Variants in FRMD5 observed in about 807,000 individuals in gnomAD.
FRMD5 encodes the protein FERM domain-containing protein 5.
Under a neutral mutation model 69.0 loss-of-function variants are expected in FRMD5, and 20 were observed. The ratio of observed to expected loss-of-function variants is 0.29; its 90% confidence interval spans 0.20 to 0.42. The LOEUF (loss-of-function observed/expected upper bound fraction) is 0.42. Among genes scored for constraint, FRMD5 ranks in the 10% least tolerant of loss-of-function variants. FRMD5 has a pLI of 1.00. For synonymous variants in FRMD5, 271 were observed against 260.1 expected, an observed-to-expected ratio of 1.04 and a Z score of -0.40; for missense variants, 595 against 708.6, an observed-to-expected ratio of 0.84 and a Z score of 1.82.
chr15:44,113,181 A>G lies in FRMD5; in HGVS notation c.102+81772T>C, dbSNP rs1415100605. 2.6e-5 allele frequency among the ~76,000 whole-genome samples: 4 copies of G among 152,210 alleles called. No homozygotes were observed. The East Asian group carries it at 7.7e-4, about 29-fold the overall frequency. Reference sequence around the variant, plus strand: ...CCTCTTGACAAGCTCTATGCCACTTATACCAAATAGGGTGACCCTGCTTTC... The same window carrying G: ...CCTCTTGACAAGCTCTATGCCACTTGTACCAAATAGGGTGACCCTGCTTTC... On this transcript the variant is annotated intron_variant, in intron 1 of 13. Coordinates refer to ENST00000417257, the MANE Select transcript of FRMD5 (RefSeq NM_032892.5).
upstream of FRMD5, among the ~76,000 whole-genome samples, chr15:44,196,221 G>A (rs1189235679): frequency 2.0e-5 from 3 of 152,166 alleles, no homozygotes; most frequent in East Asian, 5.8e-4. Flanking sequence ...CAGCACTTTG[G>A]GAGGCCGAGG....
intron 1 of FRMD5, among the ~76,000 whole-genome samples, chr15:43,963,973 G>C (rs2090249815): frequency 6.6e-6 from 1 of 151,902 alleles, no homozygotes; most frequent in Non-Finnish European, 1.5e-5. Context: ...GAGTTAATGG[G>C]TGCAGCACAC....
intron 1 of FRMD5, among the ~76,000 whole-genome samples, chr15:44,083,358 A>T (rs768111018): frequency 6.6e-6 from 1 of 152,008 alleles, no homozygotes; most frequent in Non-Finnish European, 1.5e-5. Context: ...AAGGATCAAG[A>T]TTAGATTTCA....
intron 1 of FRMD5, among the ~76,000 whole-genome samples, chr15:43,950,833 T>C (rs574754205): frequency 2.6e-5 from 4 of 152,326 alleles, no homozygotes; most frequent in African/African-American, 9.6e-5. Flanking sequence ...AACAGTTGAA[T>C]GCTTCCCCTG....
chr15:43,964,498 AAC>A (rs1361277882), intron 1 of FRMD5, among the ~76,000 whole-genome samples: 10 of 139,310 alleles, frequency 7.2e-5, no homozygotes, highest in African/African-American at 3.0e-4. Context: ...CAAACAAACA[AAC>A]AAAAAAAAAA....
chr15:44,063,548 G>C (rs1260605659), intron 1 of FRMD5: 2 of 509,184 alleles, frequency 3.9e-6, no homozygotes, highest in Non-Finnish European at 7.7e-6. Flanking sequence ...GAATTTAGTT[G>C]TACTGGTCAC....
intron 1 of FRMD5, among the ~76,000 whole-genome samples, chr15:43,956,852 T>A (rs1339653708): frequency 1.3e-5 from 2 of 152,240 alleles, no homozygotes; most frequent in Admixed American, 6.5e-5. Flanking sequence ...GTTAGACAAC[T>A]TAATGATTGG....
At chr15:43,946,076 A>G (rs78910343) in intron 1 of FRMD5, among the ~76,000 whole-genome samples, 9 of 151,450 alleles carry the variant, frequency 5.9e-5, no homozygotes, top group African/African-American at 1.9e-4. Context: ...AAAATTCCCC[A>G]AAGTCTCACT....
At chr15:44,194,676 GGACGGGGCGCCCTCA>G in intron 1 of FRMD5, 1 of 492,174 alleles carries the variant, frequency 2.0e-6, no homozygotes, top group South Asian at 2.2e-5. Flanking sequence ...CGAGGAACCA[GGACGGGGCGCCCTCA>G]CCCAGGGAGA....
intron 4 of FRMD5, among the ~76,000 whole-genome samples, chr15:43,915,130 T>A (rs1207534422): frequency 6.6e-6 from 1 of 152,220 alleles, no homozygotes; most frequent in East Asian, 1.9e-4. Context: ...ACCTGGGATT[T>A]GAAGCCAGCT....
chr15:43,874,401 G>T lies in FRMD5; in HGVS notation c.1197C>A (p.Asp399Glu). The change falls in exon 14 of 14, where the codon GAC becomes GAA. Residue 399 changes from aspartate to glutamate, a missense_variant. Coordinates refer to ENST00000417257, the MANE Select transcript of FRMD5 (RefSeq NM_032892.5). ...TGCTTCTCACGTGAGGCAGGAAGGT[G>T]TCCCCATGGGAAGTGGAACGCACTG... ...STPVRSTSHG[D>E]TFLPHVRSSR... is the part of the protein sequence containing the mutation. The T allele has an allele frequency of 6.2e-7, 1 of 1,614,234 alleles. No homozygotes were observed. The highest frequency in any genetic ancestry group is 1.1e-5 in the South Asian group (1 of 91,090).
rs1441554717 is a variant in FRMD5, at chr15:43,872,008, T to A, written c.*1877A>T. The stretch of plus-strand genomic sequence containing the variant: ...GCGTATTATGGCCTGTAGGCTAAAT[T>A]CAGCTCACTGTTTTCATAAAGTTTT... On this transcript the variant is annotated 3_prime_UTR_variant, in exon 14 of 14. Transcript: ENST00000417257. 2.0e-5 allele frequency: 3 copies of A among 152,240 alleles called. No homozygotes were observed. Among genetic ancestry groups the A allele is most frequent in the Non-Finnish European group, 4.4e-5 (3 of 68,046 alleles). The allele number at this position is 152,240 out of a possible 1,614,324, so 9.4% of individuals were successfully genotyped here.
intron 1 of FRMD5, among the ~76,000 whole-genome samples, chr15:44,008,034 T>C (rs2140199902): frequency 6.6e-6 from 1 of 151,742 alleles, no homozygotes; most frequent in South Asian, 2.1e-4. Flanking sequence ...CTTAACATCC[T>C]GGGCTCTAGT....
intron 1 of FRMD5, among the ~76,000 whole-genome samples, chr15:43,924,574 T>G (rs998042609): frequency 6.6e-6 from 1 of 152,174 alleles, no homozygotes; most frequent in Non-Finnish European, 1.5e-5. Context: ...CCAGTTCCCA[T>G]CTCAAATGCA....
chr15:43,933,962 T>C (rs572825212), intron 1 of FRMD5, among the ~76,000 whole-genome samples: 1 of 152,334 alleles, frequency 6.6e-6, no homozygotes, highest in Admixed American at 6.5e-5. Flanking sequence ...TTCCAGAACA[T>C]GTCCTATCCT....
In FRMD5 at chr15:44,152,515, T is replaced by G. The variant is rs565534336; in HGVS notation, c.102+42438A>C. On this transcript the variant is annotated intron_variant, in intron 1 of 13. Coordinates refer to ENST00000417257, the MANE Select transcript of FRMD5 (RefSeq NM_032892.5). ...CCTTGCAGAATAAGCGTATGTTTAA[T>G]TTTATTAGAAACCACCAAACAGCAT... 2.7e-4 allele frequency among the ~76,000 whole-genome samples: 41 copies of G among 152,352 alleles called. No individual in the cohort carries two copies. The South Asian group carries it at 8.3e-3, about 31-fold the overall frequency.
chr15:43,987,837 C>G lies in FRMD5; in HGVS notation c.103-63528G>C, dbSNP rs1300140668. ...ACATGCTGGGATTACAGGTGTGAAC[C>G]ACCATGCCCAACCTATTATTACATT... is the stretch of plus-strand genomic sequence containing the variant. On this transcript the variant is annotated intron_variant, in intron 1 of 13. Transcript: ENST00000417257. Among the ~76,000 whole-genome samples the G allele has an allele frequency of 3.3e-5, 5 of 152,184 alleles. No homozygotes were observed. In the East Asian group the frequency reaches 9.6e-4, roughly 29 times the overall value.
intron 1 of FRMD5, among the ~76,000 whole-genome samples, chr15:43,952,058 G>A (rs1192664825): frequency 6.8e-6 from 1 of 148,042 alleles, no homozygotes; most frequent in Non-Finnish European, 1.5e-5. Context: ...GTTGCCATGT[G>A]GTCAAACTGC....
chr15:44,032,921 C>A (rs896373015), intron 1 of FRMD5, among the ~76,000 whole-genome samples: 16 of 152,032 alleles, frequency 1.1e-4, no homozygotes, highest in African/African-American at 3.6e-4. Flanking sequence ...ATGTTTACTG[C>A]AGCATTATTC....
Sources: gnomAD v4.1 joint callset for allele counts (sites outside exome capture counted in the v4.1 genomes callset) on GRCh38, gnomAD v4.1.1 for gene constraint, MANE v1.5 for transcripts, NCBI Gene and HGNC (gene_info 2026-07-23, HGNC 2026-07-21) for gene names.